Variants in COPG2 observed in about 807,000 individuals in gnomAD.
COPG2 encodes the protein coatomer subunit gamma-2.
In COPG2, 37 loss-of-function variants were observed where a neutral mutation model predicts 46.3. That is an observed-to-expected ratio of 0.80 (90% CI 0.61 to 1.05). The LOEUF (loss-of-function observed/expected upper bound fraction) is 1.05, where lower values mean the gene tolerates loss of function less well. Ranked by LOEUF, COPG2 falls within the 50% of genes least tolerant of loss-of-function variation. COPG2 has a pLI of 0.00. For synonymous variants in COPG2, 159 were observed against 129.7 expected (o/e 1.23, Z -1.53); for missense variants, 427 against 387.8 (o/e 1.10, Z -0.85).
chr7:130,578,431 C>T (rs1168658726), intron 9 of COPG2, among the ~76,000 whole-genome samples: 14 of 151,084 alleles, frequency 9.3e-5, no homozygotes, highest in East Asian at 3.9e-4. Flanking sequence ...AACTCTAAAA[C>T]GCAGAGCGCC....
At chr7:130,547,328 T>A (rs1182248093) in intron 20 of COPG2, 1 of 200,142 alleles carries the variant, frequency 5.0e-6, no homozygotes, top group African/African-American at 2.3e-5. Flanking sequence ...AGGGTCAAGA[T>A]TCTTCACAGG....
intron 6 of COPG2, 137 bp downstream of exon 6, chr7:130,616,853 A>G (rs930251497): frequency 2.3e-5 from 12 of 531,520 alleles, no homozygotes; most frequent in Non-Finnish European, 4.0e-5. Flanking sequence ...TGGAGCCACA[A>G]AAGCCTTTCT....
chr7:130,622,986 T>C (rs1795063259), intron 5 of COPG2, among the ~76,000 whole-genome samples: 1 of 152,198 alleles, frequency 6.6e-6, no homozygotes, highest in African/African-American at 2.4e-5. Flanking sequence ...GGTAGCACTT[T>C]CCTTACCTTC....
intron 3 of COPG2, among the ~76,000 whole-genome samples, chr7:130,664,915 TCACACCTGTAATCC>T (rs1302374718): frequency 6.6e-6 from 1 of 152,204 alleles, no homozygotes. Flanking sequence ...GCACAGTAGC[TCACACCTGTAATCC>T]CAGGACTTTG....
intron 20 of COPG2, among the ~76,000 whole-genome samples, chr7:130,529,831 T>G (rs964626171): frequency 6.6e-6 from 1 of 152,212 alleles, no homozygotes; most frequent in Non-Finnish European, 1.5e-5. Context: ...TAGGACATAA[T>G]GCGATGGAGA....
chr7:130,643,962 C>T (rs1470806266), intron 5 of COPG2, among the ~76,000 whole-genome samples: 1 of 152,072 alleles, frequency 6.6e-6, no homozygotes, highest in Non-Finnish European at 1.5e-5. Context: ...GAGAGAGACC[C>T]TATCTCAGAA....
intron 5 of COPG2, among the ~76,000 whole-genome samples, chr7:130,629,661 G>A (rs1795189849): frequency 6.6e-6 from 1 of 152,012 alleles, no homozygotes; most frequent in South Asian, 2.1e-4. Context: ...CTCCCAAAGT[G>A]CTGGGATTAC....
intron 9 of COPG2, among the ~76,000 whole-genome samples, chr7:130,590,384 T>G (rs1227101566): frequency 6.6e-6 from 1 of 152,190 alleles, no homozygotes; most frequent in Non-Finnish European, 1.5e-5. Context: ...GCCTGCCGAG[T>G]GCCTGCGACT....
intron 5 of COPG2, among the ~76,000 whole-genome samples, chr7:130,637,865 A>C (rs1554456580): frequency 6.6e-6 from 1 of 152,164 alleles, no homozygotes; most frequent in East Asian, 1.9e-4. Context: ...GGATTTATCT[A>C]TCTTTGGTCT....
At chr7:130,593,376 G>C (rs1370222717) in intron 9 of COPG2, among the ~76,000 whole-genome samples, 5 of 152,156 alleles carry the variant, frequency 3.3e-5, no homozygotes, top group African/African-American at 4.8e-5. Context: ...CCTAGGAAGA[G>C]GCAAACTCCA....
intron 3 of COPG2, among the ~76,000 whole-genome samples, chr7:130,665,958 G>A (rs1796070961): frequency 6.6e-6 from 1 of 152,078 alleles, no homozygotes; most frequent in African/African-American, 2.4e-5. Flanking sequence ...CTAAAACAGT[G>A]CACAGCACAC....
At chr7:130,619,235 A>G (rs555158792) in intron 5 of COPG2, among the ~76,000 whole-genome samples, 1 of 152,314 alleles carries the variant, frequency 6.6e-6, no homozygotes, top group South Asian at 2.1e-4. Flanking sequence ...AAATATAGCT[A>G]GTGTGACTAA....
chr7:130,665,835 CAAAA>C (rs199850330), intron 3 of COPG2, among the ~76,000 whole-genome samples: 1 of 74,312 alleles, frequency 1.3e-5, no homozygotes, highest in Admixed American at 1.5e-4. Context: ...AAGTCTGGGG[CAAAA>C]AAAAAAAAAA....
chr7:130,586,817 C>A (rs1379833877), intron 9 of COPG2, among the ~76,000 whole-genome samples: 1 of 151,968 alleles, frequency 6.6e-6, no homozygotes, highest in Non-Finnish European at 1.5e-5. Flanking sequence ...AAATGTGAAT[C>A]TTTTCCTTCC....
chr7:130,638,057 G>A (rs968170976), intron 5 of COPG2, among the ~76,000 whole-genome samples: 21 of 152,148 alleles, frequency 1.4e-4, no homozygotes, highest in African/African-American at 3.4e-4. Context: ...AGCAGAGGCC[G>A]CAGAACAGCA....
intron 14 of COPG2, among the ~76,000 whole-genome samples, chr7:130,552,726 G>A (rs1793551887): frequency 1.3e-5 from 2 of 152,150 alleles, no homozygotes. Flanking sequence ...TCACACTGAT[G>A]TCATTAAGCT....
In COPG2 at chr7:130,508,584, T is replaced by A; in HGVS notation, c.2225A>T (p.Asp742Val). The A allele has an allele frequency of 1.3e-6, 1 of 776,914 alleles. No individual in the cohort carries two copies. The highest frequency in any genetic ancestry group is 2.4e-6 in the Non-Finnish European group (1 of 416,478). 48.1% of individuals were successfully genotyped at this position (776,914 alleles called of 1,614,324 possible). A position where few individuals can be genotyped will look rare whatever the true frequency, so the allele number is the denominator to read the frequency against. The change falls in exon 21 of 24, where the codon GAT becomes GTT. Residue 742 changes from aspartate to valine, a missense_variant. Transcript: ENST00000425248. ...CACCACATACTCATCATCATACCCA[T>A]CCTCATCTGGAACTCCAGTGTTAGG... ...CDPNTGVPDE[D>V]GYDDEYVLED... is the part of the protein sequence containing the mutation.
Position 130,613,611 on chromosome 7 carries a change from C to T in COPG2, c.425G>A (p.Arg142Lys). ...TDGTMLQAIE[R>K]YMKQAIVDKV... ...ATCCACAATGGCCTGCTTCATGTATCTTTCAATGGCTTGCAACATTGTTCC... is the reference window on the plus strand; with the variant it reads ...ATCCACAATGGCCTGCTTCATGTATTTTTCAATGGCTTGCAACATTGTTCC... Residue 142 changes from arginine to lysine, a missense_variant, in exon 7 of 24, where the codon AGA becomes AAA. By Grantham distance (26) the Arg-to-Lys change is conservative (BLOSUM62 2). Coordinates refer to ENST00000425248, the MANE Select transcript of COPG2 (RefSeq NM_012133.6). The T allele has an allele frequency of 6.2e-7, 1 of 1,600,010 alleles. No individual in the cohort carries two copies. Among genetic ancestry groups the T allele is most frequent in the Non-Finnish European group, 8.5e-7 (1 of 1,172,228 alleles).
intron 9 of COPG2, among the ~76,000 whole-genome samples, chr7:130,595,767 C>T (rs1794514150): frequency 6.6e-6 from 1 of 151,948 alleles, no homozygotes; most frequent in Admixed American, 6.5e-5. Flanking sequence ...AGAGTCTGGA[C>T]ACCGGCTGGC....
Sources: allele counts gnomAD v4.1 joint callset (sites outside exome capture counted in the v4.1 genomes callset), GRCh38; gene constraint gnomAD v4.1.1; transcripts MANE v1.5; gene names NCBI Gene and HGNC (gene_info 2026-07-23, HGNC 2026-07-21).